Variants in NOC2L observed in about 807,000 individuals in gnomAD.
The protein encoded by NOC2L is NOC2 like nucleolar associated transcriptional repressor, also known as nucleolar complex protein 2 homolog.
A neutral mutation model predicts 94.2 loss-of-function variants in NOC2L; 101 were observed. That is an observed-to-expected ratio of 1.07 (90% CI 0.91 to 1.26). The LOEUF (loss-of-function observed/expected upper bound fraction) is 1.26. NOC2L is among the 50% of genes most tolerant of loss of function. The pLI is 0.00. For missense variants in NOC2L, 1,076 were observed against 980.1 expected (o/e 1.10, Z -1.31); for synonymous variants, 531 against 413.4 (o/e 1.28, Z -3.45).
intron 2 of NOC2L, chr1:958,718 C>T (rs1447084404): frequency 1.4e-6 from 1 of 706,346 alleles, no homozygotes; most frequent in Admixed American, 2.0e-5. Context: ...TTGCACAACT[C>T]ACCAACATAC....
intron 6 of NOC2L, among the ~76,000 whole-genome samples, chr1:955,334 G>A (rs1315697658): frequency 6.6e-6 from 1 of 152,236 alleles, no homozygotes; most frequent in Non-Finnish European, 1.5e-5. Flanking sequence ...TCCTGGGGCA[G>A]TTCCAACTCT....
chr1:951,192 G>A lies in NOC2L; in HGVS notation c.1378C>T (p.Arg460Cys), dbSNP rs112703241. 9.1e-5 allele frequency: 146 copies of A among 1,597,160 alleles called. No homozygotes were observed. In the African/African-American group the frequency reaches 1.7e-3, roughly 18 times the overall value. Reference sequence around the variant, plus strand: ...CTCCCCGAGAGCAGCGTCAGGGCACGGATGCAGTGCATTCGCAGCGGGTAG... The same window carrying A: ...CTCCCCGAGAGCAGCGTCAGGGCACAGATGCAGTGCATTCGCAGCGGGTAG... ...RFYPLRMHCI[R>C]ALTLLSGSSG... Residue 460 changes from arginine (R) to cysteine (C), a missense_variant, in exon 12 of 19, where the codon CGT becomes TGT. This residue lies in a region of NOC2L where 615 missense variants were observed against 577.4 expected (regional missense o/e 1.07). Transcript: ENST00000327044.
At chr1:946,659 A>G (rs1255781869) in intron 14 of NOC2L, 114 bp from the exon 15 acceptor site, 12 of 1,265,370 alleles carry the variant, frequency 9.5e-6, no homozygotes, top group Middle Eastern at 2.1e-4. Flanking sequence ...AGGAGGGGAC[A>G]TGGATCCCAT....
intron 9 of NOC2L, among the ~76,000 whole-genome samples, chr1:952,900 A>G (rs1025857993): frequency 5.3e-5 from 8 of 152,164 alleles, no homozygotes; most frequent in Non-Finnish European, 1.0e-4. Context: ...TCAGGTCCCA[A>G]CACCCAGTGT....
At chr1:950,238 G>C (rs1464446966) in intron 12 of NOC2L, among the ~76,000 whole-genome samples, 1 of 150,760 alleles carries the variant, frequency 6.6e-6, no homozygotes, top group Non-Finnish European at 1.5e-5. Flanking sequence ...CACACATGCA[G>C]ATGCAAATGC....
rs1275487436 is a variant in NOC2L, at chr1:959,090, C to T, written c.27-9G>A. On this transcript the variant is annotated splice_polypyrimidine_tract_variant and intron_variant, in intron 1 of 18. Coordinates refer to ENST00000327044, the MANE Select transcript of NOC2L (RefSeq NM_015658.4). The stretch of plus-strand genomic sequence containing the variant: ...TCAGCTCCGCCAGGCGCCTGCGGGT[C>T]ACGCAGGAGTCACAGCTGCCCGCAC... 1.2e-6 allele frequency: 2 copies of T among 1,608,918 alleles called. No homozygotes were observed. Among genetic ancestry groups the T allele is most frequent in the Non-Finnish European group, 1.7e-6 (2 of 1,177,242 alleles).
In NOC2L at chr1:946,199, G is replaced by A; in HGVS notation, c.1891C>T (p.Gln631Ter). ...CGCTCTTTGCCACTGATCTCCAGCT[G>A]GATCTCCCGGTCACGCAGCTTGCGC... ...HWRKLRDREI[Q>*]LEISGKERLE... is the part of the protein sequence containing the mutation. The change falls in exon 16 of 19, where the codon CAG becomes TAG. Residue 631 changes from glutamine to a stop codon, truncating the protein, a stop_gained. Transcript: ENST00000327044. LOFTEE classifies it high-confidence loss of function. 1 of 1,612,886 alleles carries A rather than the reference G, an allele frequency of 6.2e-7. No homozygotes were observed. The highest frequency in any genetic ancestry group is 8.5e-7 in the Non-Finnish European group (1 of 1,179,174).
intron 2 of NOC2L, chr1:957,641 C>T (rs1267246616): frequency 4.2e-6 from 1 of 236,094 alleles, no homozygotes; most frequent in South Asian, 7.3e-5. Context: ...CTCTAATACC[C>T]AGCACGCAAC....
intron 6 of NOC2L, 80 bp from the exon 7 acceptor site, chr1:954,162 T>G (rs2100392449): frequency 7.2e-7 from 1 of 1,387,772 alleles, no homozygotes; most frequent in East Asian, 2.3e-5. Flanking sequence ...GCGCGTGCCC[T>G]GGCCAGCATA....
chr1:956,311 C>T, intron 4 of NOC2L, 96 bp from the exon 5 acceptor site: 1 of 1,442,238 alleles, frequency 6.9e-7, no homozygotes, highest in South Asian at 1.2e-5. Flanking sequence ...CTCACCCTCA[C>T]CCTCAGACAT....
Position 951,979 on chromosome 1 carries a change from CCTGCCCACCCCACAACT to C in NOC2L, c.1331+4_1331+20del, listed in dbSNP as rs774550300. On this transcript the variant is annotated splice_donor_5th_base_variant and intron_variant, in intron 11 of 18. Transcript: ENST00000327044. ...GCTTCTCCTGACCCTCCCGCACAAC[CCTGCCCACCCCACAACT>C]CACTTGATACAGCCAATGATGACTT... is the stretch of plus-strand genomic sequence containing the variant. 2.5e-6 allele frequency: 4 copies of C among 1,606,664 alleles called. No homozygotes were observed. The highest frequency in any genetic ancestry group is 3.4e-6 in the Non-Finnish European group (4 of 1,176,408).
intron 13 of NOC2L, 120 bp from the exon 14 acceptor site, chr1:948,352 G>T: frequency 9.5e-7 from 1 of 1,057,520 alleles, no homozygotes; most frequent in Non-Finnish European, 1.4e-6. Context: ...CAAGGAAGGG[G>T]CTCCTGGGCC....
chr1:946,360 G>T (rs201505519), intron 15 of NOC2L, 42 bp downstream of exon 15: 60 of 1,613,242 alleles, frequency 3.7e-5, no homozygotes, highest in Non-Finnish European at 4.6e-5. Context: ...GCTATACCCT[G>T]GCAGGTGCCC....
At position 958,988 on chromosome 1, in the gene NOC2L, T is replaced by C. The variant is rs1201876286; in HGVS notation, c.120A>G (p.Thr40=). 23 of 1,612,690 alleles carry C rather than the reference T, an allele frequency of 1.4e-5. No homozygotes were observed. Among genetic ancestry groups the C allele is most frequent in the Non-Finnish European group, 1.9e-5 (22 of 1,179,954 alleles). ...TCCGGGCAGCCTCGCGTGCTTCCCG[T>C]GTCTCCGCTTGTGGAGAATTTTCGG... is the stretch of plus-strand genomic sequence containing the variant. ...SESENSPQAE[T]REAREAARSP... is the part of the protein sequence containing the mutation. Residue 40 remains threonine, a synonymous_variant, in exon 2 of 19, where the codon ACA becomes ACG. Transcript: ENST00000327044.
intron 9 of NOC2L, among the ~76,000 whole-genome samples, chr1:952,866 T>G (rs1286556036): frequency 2.0e-5 from 3 of 152,122 alleles, no homozygotes; most frequent in African/African-American, 7.2e-5. Context: ...GGACGGGCAG[T>G]AGGACTGTAC....
Position 944,713 on chromosome 1 carries a change from T to C in NOC2L, c.2231A>G (p.Gln744Arg). 1 of 1,599,172 alleles carries C rather than the reference T, an allele frequency of 6.3e-7. No individual in the cohort carries two copies. Among genetic ancestry groups the C allele is most frequent in the Non-Finnish European group, 8.5e-7 (1 of 1,178,142 alleles). The part of the protein sequence containing the change: ...QGPEDELEDL[Q>R]LSEDD ...GCTGCCTCAGTCGTCCTCTGAGAGCTGCAGATCCTCCAGCTCGTCCTCCGG... is the reference window on the plus strand; with the variant it reads ...GCTGCCTCAGTCGTCCTCTGAGAGCCGCAGATCCTCCAGCTCGTCCTCCGG... Residue 744 changes from glutamine to arginine, a missense_variant, in exon 19 of 19, where the codon CAG becomes CGG. Transcript: ENST00000327044.
In NOC2L at chr1:952,568, C is replaced by T. The variant is rs777690544; in HGVS notation, c.1035G>A (p.Lys345=). The T allele has an allele frequency of 6.2e-7, 1 of 1,613,862 alleles. No individual in the cohort carries two copies. Among genetic ancestry groups the T allele is most frequent in the Non-Finnish European group, 8.5e-7 (1 of 1,180,024 alleles). ...QMYITYVRNC[K]FTSPGALPFI... is the part of the protein sequence containing the mutation. The stretch of plus-strand genomic sequence containing the variant: ...AGGGGAGGGCACCAGGCGAGGTGAA[C>T]TTGCAGTTCCTCACATACGTGATGT... The change falls in exon 10 of 19, where the codon AAG becomes AAA. Residue 345 remains lysine, a synonymous_variant. Transcript: ENST00000327044.
chr1:955,862 C>G (rs1642385750), intron 6 of NOC2L, 61 bp downstream of exon 6: 3 of 1,409,658 alleles, frequency 2.1e-6, no homozygotes, highest in Admixed American at 1.8e-5. Context: ...CCTCTGGCTT[C>G]TCCTGTGTGT....
At chr1:955,815 C>T (rs1205563571) in intron 6 of NOC2L, 108 bp downstream of exon 6, 1 of 963,468 alleles carries the variant, frequency 1.0e-6, no homozygotes, top group African/African-American at 1.6e-5. Flanking sequence ...CAAGAAGACG[C>T]TGGCTCTGTT....
Sources: gnomAD v4.1 joint callset for allele counts (sites outside exome capture counted in the v4.1 genomes callset) on GRCh38, gnomAD v4.1.1 for gene constraint, gnomAD v4.1.1 regional missense constraint, MANE v1.5 for transcripts, NCBI Gene and HGNC (gene_info 2026-07-23, HGNC 2026-07-21) for gene names.